The following ZNF385D variants were observed in gnomAD, a reference collection of about 807,000 sequenced individuals.
The protein encoded by ZNF385D is zinc finger protein 385D, also known as zinc finger protein 659.
ZNF385D carries 15 observed loss-of-function variants against 35.8 expected under a neutral mutation model. That is an observed-to-expected ratio of 0.42 (90% CI 0.28 to 0.64). The LOEUF (loss-of-function observed/expected upper bound fraction) is 0.64. ZNF385D is among the 30% of genes least tolerant of loss of function. ZNF385D has a pLI of 0.23. For synonymous variants in ZNF385D, 212 were observed against 186.8 expected (o/e 1.13, Z -1.10); for missense variants, 474 against 494.6 (o/e 0.96, Z 0.39).
At chr3:21,916,924 G>A (rs1700218129) in intron 3 of ZNF385D, among the ~76,000 whole-genome samples, 2 of 152,148 alleles carry the variant, frequency 1.3e-5, no homozygotes, top group Admixed American at 1.3e-4. Flanking sequence ...ATCCCATTCT[G>A]TATGTCGATT....
chr3:21,946,269 T>C (rs959792317), intron 3 of ZNF385D, among the ~76,000 whole-genome samples: 1 of 152,186 alleles, frequency 6.6e-6, no homozygotes, highest in South Asian at 2.1e-4. Flanking sequence ...AAATATTTAA[T>C]AGTCTATTAG....
intron 1 of ZNF385D, among the ~76,000 whole-genome samples, chr3:21,707,479 T>C (rs1484639932): frequency 1.3e-5 from 2 of 152,170 alleles, no homozygotes; most frequent in Admixed American, 1.3e-4. Flanking sequence ...AGAACCCCCA[T>C]CCTGATATCT....
chr3:21,988,265 T>C (rs1694931716), intron 3 of ZNF385D, among the ~76,000 whole-genome samples: 1 of 121,774 alleles, frequency 8.2e-6, no homozygotes, highest in East Asian at 2.4e-4. Flanking sequence ...GAGTTTCCAG[T>C]TTTTCTGTTC....
intron 1 of ZNF385D, among the ~76,000 whole-genome samples, chr3:21,674,203 T>C (rs369423117): frequency 4.6e-5 from 7 of 152,074 alleles, no homozygotes; most frequent in African/African-American, 1.7e-4. Flanking sequence ...ATAGATTTAA[T>C]GTCATGGAGA....
chr3:21,894,017 A>G (rs1252856307), intron 3 of ZNF385D, among the ~76,000 whole-genome samples: 1 of 152,168 alleles, frequency 6.6e-6, no homozygotes, highest in African/African-American at 2.4e-5. Context: ...AGGAAGTTCA[A>G]AAATATCCAA....
chr3:21,879,557 A>T (rs1698166454), intron 3 of ZNF385D, among the ~76,000 whole-genome samples: 1 of 151,984 alleles, frequency 6.6e-6, no homozygotes, highest in Non-Finnish European at 1.5e-5. Context: ...TATTAAGATG[A>T]ATTTATTACT....
intron 4 of ZNF385D, among the ~76,000 whole-genome samples, chr3:21,447,211 T>G (rs1702200722): frequency 6.6e-6 from 1 of 152,018 alleles, no homozygotes; most frequent in Non-Finnish European, 1.5e-5. Flanking sequence ...TTTGGATAAA[T>G]ATTACGAAAG....
chr3:22,042,490 G>T (rs1208232254), intron 3 of ZNF385D, among the ~76,000 whole-genome samples: 1 of 152,052 alleles, frequency 6.6e-6, no homozygotes, highest in South Asian at 2.1e-4. Flanking sequence ...GCATCTTAAG[G>T]TATCGTTCTG....
intron 2 of ZNF385D, among the ~76,000 whole-genome samples, chr3:22,224,814 C>T (rs1337824620): frequency 6.6e-6 from 1 of 152,166 alleles, no homozygotes; most frequent in African/African-American, 2.4e-5. Flanking sequence ...ACCCACTGCT[C>T]CCTGCGTGGG....
At chr3:21,808,633 C>A (rs1001823128) in intron 3 of ZNF385D, among the ~76,000 whole-genome samples, 4 of 152,222 alleles carry the variant, frequency 2.6e-5, no homozygotes, top group Admixed American at 6.5e-5. Context: ...TTATTCCTCT[C>A]CTGCCGGAAG....
chr3:21,875,255 A>G (rs1051612219), intron 3 of ZNF385D, among the ~76,000 whole-genome samples: 44 of 151,276 alleles, frequency 2.9e-4, no homozygotes, highest in African/African-American at 1.0e-3. Flanking sequence ...CTTTTTTTTA[A>G]CCTAATTTCT....
At chr3:22,225,160 T>C (rs1311236992) in intron 2 of ZNF385D, among the ~76,000 whole-genome samples, 2 of 152,206 alleles carry the variant, frequency 1.3e-5, no homozygotes, top group Non-Finnish European at 2.9e-5. Flanking sequence ...ACTTCCCTTC[T>C]TATATTCAAA....
At chr3:21,424,346 A>C (rs1306940909) in intron 6 of ZNF385D, among the ~76,000 whole-genome samples, 2 of 54,564 alleles carry the variant, frequency 3.7e-5, no homozygotes, top group East Asian at 6.7e-4. Flanking sequence ...ATGGAGTCTC[A>C]CTCTGCTACC....
intron 2 of ZNF385D, among the ~76,000 whole-genome samples, chr3:22,288,117 A>T (rs1377993192): frequency 1.3e-5 from 2 of 152,106 alleles, no homozygotes; most frequent in African/African-American, 4.8e-5. Context: ...GCTAAAAAAA[A>T]ATCCACTAAT....
chr3:22,002,653 A>T (rs1695928699), intron 3 of ZNF385D, among the ~76,000 whole-genome samples: 1 of 152,124 alleles, frequency 6.6e-6, no homozygotes, highest in South Asian at 2.1e-4. Context: ...AATTCTGCAC[A>T]TCAATATCCT....
chr3:22,030,628 T>C (rs1179169017), intron 3 of ZNF385D, among the ~76,000 whole-genome samples: 1 of 152,010 alleles, frequency 6.6e-6, no homozygotes, highest in African/African-American at 2.4e-5. Context: ...GTTTCTCCCT[T>C]GACACATGAA....
At chr3:21,547,858 C>T (rs983207308) in intron 3 of ZNF385D, among the ~76,000 whole-genome samples, 1 of 152,042 alleles carries the variant, frequency 6.6e-6, no homozygotes, top group Non-Finnish European at 1.5e-5. Flanking sequence ...TGGTCCACCC[C>T]CCTTGGCCTC....
intron 3 of ZNF385D, among the ~76,000 whole-genome samples, chr3:22,111,314 T>C (rs1702522043): frequency 6.6e-6 from 1 of 151,778 alleles, no homozygotes; most frequent in Non-Finnish European, 1.5e-5. Flanking sequence ...GTGAACTTGG[T>C]AAATGTAAGT....
chr3:21,730,896 T>C (rs1017329292), intron 1 of ZNF385D, among the ~76,000 whole-genome samples: 15 of 152,248 alleles, frequency 9.9e-5, no homozygotes, highest in Non-Finnish European at 1.8e-4. Context: ...TCCAGCATTT[T>C]GGATGCATCA....
Sources: allele counts gnomAD v4.1 joint callset (sites outside exome capture counted in the v4.1 genomes callset), GRCh38; gene constraint gnomAD v4.1.1; transcripts MANE v1.5; gene names NCBI Gene and HGNC (gene_info 2026-07-23, HGNC 2026-07-21).